The following RYK variants were observed in gnomAD, a reference collection of about 807,000 sequenced individuals.
RYK encodes the protein receptor like tyrosine kinase.
RYK carries 21 observed loss-of-function variants against 70.2 expected under a neutral mutation model. That is an observed-to-expected ratio of 0.30 (90% confidence interval 0.21 to 0.43). The LOEUF (loss-of-function observed/expected upper bound fraction) is 0.43. RYK is among the 20% of genes least tolerant of loss of function. The pLI is 1.00. For missense variants in RYK, 604 were observed against 753.3 expected (o/e 0.80, Z 2.32); for synonymous variants, 267 against 278.0 (o/e 0.96, Z 0.39).
At chr3:134,197,506 C>G (rs750918900) in intron 6 of RYK, among the ~76,000 whole-genome samples, 8 of 152,086 alleles carry the variant, frequency 5.3e-5, no homozygotes, top group Non-Finnish European at 8.8e-5. Flanking sequence ...ATTATTGTTA[C>G]TAATTTATAG....
At chr3:134,210,912 T>G (rs1296754187) in intron 3 of RYK, among the ~76,000 whole-genome samples, 1 of 152,098 alleles carries the variant, frequency 6.6e-6, no homozygotes, top group Non-Finnish European at 1.5e-5. Context: ...TCTTGCAGAA[T>G]GAGTAGGATG....
chr3:134,225,784 G>GA (rs1303851721), intron 1 of RYK, among the ~76,000 whole-genome samples: 1 of 151,682 alleles, frequency 6.6e-6, no homozygotes, highest in African/African-American at 2.4e-5. Context: ...TTGAGCTCAG[G>GA]AATTTGAGGT....
rs147086031 is a variant in RYK at position 134,233,906 on chromosome 3, G to T, written c.233-11367C>A. Among the ~76,000 whole-genome samples, 1,001 of 152,122 alleles carry T rather than the reference G, an allele frequency of 6.6e-3. 7 individuals are homozygous for T. Among genetic ancestry groups the T allele is most frequent in the Non-Finnish European group, 1.0e-2 (678 of 67,972 alleles). ...AATTTCTAACAATGTCTGGCACCTAGAATAGTTCATGCATGTAACAGGTAT... is the reference window on the plus strand; with the variant it reads ...AATTTCTAACAATGTCTGGCACCTATAATAGTTCATGCATGTAACAGGTAT... On this transcript the variant is annotated intron_variant, in intron 1 of 14. Transcript: ENST00000623711.
chr3:134,245,278 T>C (rs536284725), intron 1 of RYK, among the ~76,000 whole-genome samples: 15 of 152,056 alleles, frequency 9.9e-5, no homozygotes, highest in Admixed American at 4.6e-4. Flanking sequence ...TCATCTTCAA[T>C]AGTTAAACCC....
intron 1 of RYK, among the ~76,000 whole-genome samples, chr3:134,232,747 G>A (rs1342861438): frequency 2.0e-5 from 3 of 152,200 alleles, no homozygotes; most frequent in Non-Finnish European, 4.4e-5. Flanking sequence ...AGCAAATACA[G>A]TCTGTTATAT....
intron 8 of RYK, among the ~76,000 whole-genome samples, chr3:134,189,758 A>C (rs1208489687): frequency 1.3e-5 from 2 of 150,396 alleles, no homozygotes; most frequent in Non-Finnish European, 3.0e-5. Context: ...AAAAAAAAAA[A>C]AACAAAAAAC....
rs2012565532 is a variant in RYK, at chr3:134,163,843, C to T, written c.1576-4470G>A. ...CTAATATCCCTTTCTCACATAAAGA[C>T]ATGGCTGCAGATTACCAAAGTGCAA... On this transcript the variant is annotated intron_variant, in intron 13 of 14. Transcript: ENST00000623711. Among the ~76,000 whole-genome samples, 3 of 152,180 alleles carry T rather than the reference C, an allele frequency of 2.0e-5. 1 individual carries two copies. Among genetic ancestry groups the T allele is most frequent in the Admixed American group, 2.0e-4 (3 of 15,280 alleles).
At chr3:134,250,382 C>G in intron 1 of RYK, 41 bp downstream of exon 1, 1 of 1,295,248 alleles carries the variant, frequency 7.7e-7, no homozygotes, top group Non-Finnish European at 9.9e-7. Flanking sequence ...CTGCCCCAGC[C>G]GGCCCGACCT....
chr3:134,218,867 A>G (rs2014644725), intron 2 of RYK, among the ~76,000 whole-genome samples: 1 of 152,210 alleles, frequency 6.6e-6, no homozygotes, highest in Non-Finnish European at 1.5e-5. Context: ...CAAGAGAGGT[A>G]GGAAACAAAT....
chr3:134,217,920 A>C (rs1222161990), intron 2 of RYK, among the ~76,000 whole-genome samples: 1 of 152,210 alleles, frequency 6.6e-6, no homozygotes, highest in Non-Finnish European at 1.5e-5. Flanking sequence ...AGAGATTATT[A>C]CCTAGAATTG....
At chr3:134,240,708 C>T (rs6783086) in intron 1 of RYK, among the ~76,000 whole-genome samples, 46,676 of 151,928 alleles carry the variant, frequency 0.31, 8,605 homozygotes, top group Middle Eastern at 0.46. Context: ...ATCAGGAGTC[C>T]CTCAAAGGCC....
chr3:134,189,383 T>C (rs903716853), intron 8 of RYK, among the ~76,000 whole-genome samples: 2 of 152,158 alleles, frequency 1.3e-5, no homozygotes, highest in Non-Finnish European at 2.9e-5. Context: ...CTGGGTTCCA[T>C]TCCTTCTACC....
At chr3:134,171,094 A>G (rs955100109) in intron 13 of RYK, 1 of 152,224 alleles carries the variant, frequency 6.6e-6, no homozygotes, top group Non-Finnish European at 1.5e-5. Context: ...AAAAAACTCT[A>G]TCTGTAATAA....
intron 13 of RYK, among the ~76,000 whole-genome samples, chr3:134,168,370 C>T (rs1482288603): frequency 1.3e-5 from 2 of 152,112 alleles, no homozygotes; most frequent in Admixed American, 1.3e-4. Context: ...TGGAACCAAC[C>T]CAAATGTCCA....
chr3:134,181,860 C>A (rs367577017), intron 10 of RYK, among the ~76,000 whole-genome samples: 4 of 152,192 alleles, frequency 2.6e-5, no homozygotes, highest in African/African-American at 9.6e-5. Flanking sequence ...GGACCAATAC[C>A]AAGCTTTTAA....
chr3:134,178,291 G>C, intron 10 of RYK: 1 of 400,160 alleles, frequency 2.5e-6, no homozygotes, highest in South Asian at 4.2e-5. Flanking sequence ...ATTCTTGGTA[G>C]GGAAAAATCA....
intron 5 of RYK, among the ~76,000 whole-genome samples, chr3:134,205,937 A>AT (rs2014200432): frequency 6.6e-6 from 1 of 152,186 alleles, no homozygotes; most frequent in Non-Finnish European, 1.5e-5. Context: ...GGATGAATAA[A>AT]TAGAAAGGGC....
intron 2 of RYK, among the ~76,000 whole-genome samples, chr3:134,221,347 GGT>G (rs1270886923): frequency 6.6e-6 from 1 of 151,594 alleles, no homozygotes; most frequent in East Asian, 1.9e-4. Context: ...TGGGAATACA[GGT>G]GTGTGCCACC....
intron 6 of RYK, among the ~76,000 whole-genome samples, chr3:134,196,819 A>C (rs1234484308): frequency 6.6e-6 from 1 of 152,178 alleles, no homozygotes; most frequent in Non-Finnish European, 1.5e-5. Context: ...AGAAAGTCAT[A>C]GCAAAAATTA....
Sources: gnomAD v4.1 joint callset for allele counts (sites outside exome capture counted in the v4.1 genomes callset) on GRCh38, gnomAD v4.1.1 for gene constraint, MANE v1.5 for transcripts, NCBI Gene and HGNC (gene_info 2026-07-23, HGNC 2026-07-21) for gene names.